The following MGAT4C variants were observed in gnomAD, a reference collection of about 807,000 sequenced individuals.
The protein encoded by MGAT4C is alpha-1,3-mannosyl-glycoprotein 4-beta-N-acetylglucosaminyltransferase C.
Under a neutral mutation model 40.1 loss-of-function variants are expected in MGAT4C, and 19 were observed. The ratio of observed to expected loss-of-function variants is 0.47; its 90% CI spans 0.33 to 0.70. MGAT4C has a LOEUF of 0.70. Ranked by LOEUF, MGAT4C falls within the 30% of genes least tolerant of loss-of-function variation. The pLI is 0.02. For synonymous variants in MGAT4C, 181 were observed against 187.1 expected, an observed-to-expected ratio of 0.97 and a Z score of 0.27; for missense variants, 491 against 563.2, an observed-to-expected ratio of 0.87 and a Z score of 1.30.
At chr12:86,284,018 A>T (rs1953285334) in intron 4 of MGAT4C, among the ~76,000 whole-genome samples, 1 of 152,078 alleles carries the variant, frequency 6.6e-6, no homozygotes, top group East Asian at 1.9e-4. Flanking sequence ...GATAAGCATA[A>T]AGTTTTCTAA....
chr12:86,393,862 TTGGA>T (rs1420291683), intron 3 of MGAT4C, among the ~76,000 whole-genome samples: 1 of 152,176 alleles, frequency 6.6e-6, no homozygotes, highest in Non-Finnish European at 1.5e-5. Flanking sequence ...ATGCTGCTAG[TTGGA>T]AACACTGGCT....
chr12:85,969,382 A>C lies in MGAT4C; in HGVS notation c.*9907T>G, dbSNP rs904063032. ...AATGTTGCATACATACTGTCTAACT[A>C]CCAGTTTGGTATGTTTGGGGCTGGT... is the stretch of plus-strand genomic sequence containing the variant. On this transcript the variant is annotated 3_prime_UTR_variant, in exon 5 of 5. Transcript: ENST00000611864. 2.6e-5 allele frequency: 4 copies of C among 151,640 alleles called. No individual in the cohort carries two copies. The highest frequency in any genetic ancestry group is 5.9e-5 in the Non-Finnish European group (4 of 67,658). 9.4% of individuals were successfully genotyped at this position (151,640 alleles called of 1,614,324 possible).
chr12:86,289,748 C>T (rs1051403811), intron 4 of MGAT4C, among the ~76,000 whole-genome samples: 3 of 152,220 alleles, frequency 2.0e-5, no homozygotes, highest in East Asian at 1.9e-4. Context: ...TTTTTGTACA[C>T]TGGCTTTGTA....
chr12:85,960,598 C>T lies in MGAT4C; in HGVS notation c.*18691G>A, dbSNP rs1883062564. 1 of 151,968 alleles carries T rather than the reference C, an allele frequency of 6.6e-6. No individual in the cohort carries two copies. The highest frequency in any genetic ancestry group is 2.4e-5 in the African/African-American group (1 of 41,414). 9.4% of individuals were successfully genotyped at this position (151,968 alleles called of 1,614,324 possible). A position where few individuals can be genotyped will look rare whatever the true frequency, so the allele number is the denominator to read the frequency against. On this transcript the variant is annotated 3_prime_UTR_variant, in exon 5 of 5. Transcript: ENST00000611864. ...GGATCATGATTATTGGCCTGTGTCC[C>T]ACCCATTATTCACATATAGAATGGG...
chr12:86,447,362 T>C (rs1481296472), intron 2 of MGAT4C, among the ~76,000 whole-genome samples: 1 of 152,146 alleles, frequency 6.6e-6, no homozygotes, highest in Non-Finnish European at 1.5e-5. Flanking sequence ...TGACCTCAGG[T>C]GAACCACCTG....
intron 1 of MGAT4C, among the ~76,000 whole-genome samples, chr12:86,212,907 A>AC (rs1950534947): frequency 6.8e-6 from 1 of 146,620 alleles, no homozygotes; most frequent in African/African-American, 2.5e-5. Flanking sequence ...AAAAAAAAAA[A>AC]AAAAAAAAAA....
intron 3 of MGAT4C, among the ~76,000 whole-genome samples, chr12:86,348,750 T>A (rs1191089673): frequency 6.6e-6 from 1 of 152,156 alleles, no homozygotes; most frequent in Non-Finnish European, 1.5e-5. Flanking sequence ...TGTGAAAACT[T>A]CTGACTCAAT....
At chr12:86,081,164 T>A (rs1436275656) in intron 1 of MGAT4C, among the ~76,000 whole-genome samples, 1 of 152,090 alleles carries the variant, frequency 6.6e-6, no homozygotes, top group African/African-American at 2.4e-5. Context: ...AATAAAACAA[T>A]AGTAGTGAAA....
rs182319118 is a variant in MGAT4C, at chr12:86,209,611, C to A, written c.-57+46628G>T. Among the ~76,000 whole-genome samples the A allele has an allele frequency of 1.5e-4, 23 of 152,210 alleles. No individual in the cohort carries two copies. The East Asian group carries it at 4.4e-3, about 29-fold the overall frequency. Reference sequence around the variant, plus strand: ...TTCATATTTAATCAAACTAAACAAGCAGATCAATCTACATTTCTCAACATG... The same window carrying A: ...TTCATATTTAATCAAACTAAACAAGAAGATCAATCTACATTTCTCAACATG... On this transcript the variant is annotated intron_variant, in intron 1 of 4. Coordinates refer to ENST00000611864, the MANE Select transcript of MGAT4C (RefSeq NM_001351288.2).
At chr12:86,394,814 C>T (rs1386311455) in intron 3 of MGAT4C, among the ~76,000 whole-genome samples, 1 of 151,424 alleles carries the variant, frequency 6.6e-6, no homozygotes, top group Non-Finnish European at 1.5e-5. Context: ...TGGACTCTCA[C>T]CATGTTGGCC....
intron 1 of MGAT4C, among the ~76,000 whole-genome samples, chr12:86,084,155 T>G (rs1871325269): frequency 6.6e-6 from 1 of 152,120 alleles, no homozygotes; most frequent in South Asian, 2.1e-4. Flanking sequence ...CATTTCATTT[T>G]TGGAGACTAA....
intron 2 of MGAT4C, among the ~76,000 whole-genome samples, chr12:86,527,479 T>C (rs1273875711): frequency 6.6e-6 from 1 of 152,124 alleles, no homozygotes; most frequent in Admixed American, 6.6e-5. Flanking sequence ...CTATTTGGGG[T>C]ATTTTGTGGT....
rs151177402 is a variant in MGAT4C at position 86,706,505 on chromosome 12, G to A, written c.-229+20704C>T. Among the ~76,000 whole-genome samples, 815 of 152,124 alleles carry A rather than the reference G, an allele frequency of 5.4e-3. 7 individuals are homozygous for A. The highest frequency in any genetic ancestry group is 0.019 in the African/African-American group (780 of 41,494). On this transcript the variant is annotated intron_variant, in intron 2 of 7. Coordinates refer to the MGAT4C transcript ENST00000548651. ...ACTCCAGGGCTCAAGAAATCCTCCT[G>A]CCTTAGCCTTCCAAAGGGCTAGGTT...
intron 2 of MGAT4C, among the ~76,000 whole-genome samples, chr12:86,552,042 A>AAC (rs1259033894): frequency 4.0e-3 from 605 of 150,060 alleles, no homozygotes; most frequent in Middle Eastern, 6.9e-3. Flanking sequence ...AAAAAAAAAA[A>AAC]CCAAAAAACA....
At chr12:86,774,417 C>T (rs1022919620) in intron 1 of MGAT4C, among the ~76,000 whole-genome samples, 1 of 146,970 alleles carries the variant, frequency 6.8e-6, no homozygotes, top group African/African-American at 2.5e-5. Flanking sequence ...CTCTCTCTCT[C>T]TCTCTTTCTT....
At chr12:86,127,027 G>T (rs775643800) in intron 1 of MGAT4C, among the ~76,000 whole-genome samples, 9 of 152,202 alleles carry the variant, frequency 5.9e-5, no homozygotes, top group Non-Finnish European at 1.2e-4. Context: ...TCACACTCCT[G>T]TGAGAATCTA....
At chr12:86,648,792 A>G (rs573814235) in intron 2 of MGAT4C, among the ~76,000 whole-genome samples, 8 of 152,030 alleles carry the variant, frequency 5.3e-5, no homozygotes, top group African/African-American at 1.9e-4. Flanking sequence ...TGTAGTGTAC[A>G]AGGTAAATTG....
At position 86,536,576 on chromosome 12, in the gene MGAT4C, T is replaced by C. The variant is rs75223560; in HGVS notation, c.-228-101311A>G. ...AATTATAAATAAAATAAAACCTCTT[T>C]AAGCATTCAGGTAGTAAAAAATGGT... On this transcript the variant is annotated intron_variant, in intron 2 of 7. Coordinates refer to the MGAT4C transcript ENST00000548651. Among the ~76,000 whole-genome samples the C allele has an allele frequency of 5.5e-3, 843 of 152,282 alleles. 4 individuals carry two copies. The highest frequency in any genetic ancestry group is 0.01 in the Middle Eastern group (3 of 294).
chr12:86,597,676 A>T (rs1961593604), intron 2 of MGAT4C, among the ~76,000 whole-genome samples: 1 of 152,098 alleles, frequency 6.6e-6, no homozygotes, highest in Non-Finnish European at 1.5e-5. Context: ...ATGCCAGCTG[A>T]TCTGAAGGAC....
Sources: allele counts gnomAD v4.1 joint callset (sites outside exome capture counted in the v4.1 genomes callset), GRCh38; gene constraint gnomAD v4.1.1; transcripts MANE v1.5; gene names NCBI Gene and HGNC (gene_info 2026-07-23, HGNC 2026-07-21).